The following GALNS variants were observed in gnomAD, a reference collection of about 807,000 sequenced individuals.
GALNS encodes the protein galactosamine (N-acetyl)-6-sulfatase, also known as N-acetylgalactosamine-6-sulfatase.
A neutral mutation model predicts 65.9 loss-of-function variants in GALNS; 65 were observed. The ratio of observed to expected loss-of-function variants is 0.99; its 90% CI spans 0.81 to 1.21. GALNS has a LOEUF of 1.21. Among genes scored for constraint, GALNS ranks in the 50% most tolerant of loss-of-function variants. The pLI, the probability that GALNS is intolerant of heterozygous loss-of-function variation, is 0.00. For synonymous variants in GALNS, 346 were observed against 288.9 expected (o/e 1.20, Z -2.00); for missense variants, 776 against 700.7 (o/e 1.11, Z -1.21).
rs998694898 is a variant in GALNS at position 88,813,833 on chromosome 16, G to T, written c.*606C>A. ...CGCCTCCCTCATAATTAGCGTCCAG[G>T]GAAATTCCTTGTGGACAAAGGACAG... On this transcript the variant is annotated 3_prime_UTR_variant, in exon 14 of 14. Transcript: ENST00000268695. The T allele has an allele frequency of 1.2e-4, 19 of 156,866 alleles. No individual in the cohort carries two copies. Among genetic ancestry groups the T allele is most frequent in the Admixed American group, 4.3e-4 (7 of 16,384 alleles). 9.7% of individuals were successfully genotyped at this position (156,866 alleles called of 1,614,324 possible).
chr16:88,817,664 C>T (rs993053684), intron 13 of GALNS, among the ~76,000 whole-genome samples: 9 of 152,204 alleles, frequency 5.9e-5, no homozygotes, highest in South Asian at 2.1e-4. Flanking sequence ...CAGGGGACCC[C>T]GGACCCTCTC....
chr16:88,855,486 C>T (rs1967772172), intron 1 of GALNS: 1 of 702,640 alleles, frequency 1.4e-6, no homozygotes, highest in African/African-American at 1.7e-5. Context: ...GGACACGGAC[C>T]CCTGGGCGCT....
At position 88,822,597 on chromosome 16, in the gene GALNS, GA is replaced by G. The variant is rs1472489567; in HGVS notation, c.1355del (p.Phe452SerfsTer43). The G allele has an allele frequency of 6.2e-7, 1 of 1,612,604 alleles. No homozygotes were observed. Among genetic ancestry groups the G allele is most frequent in the South Asian group, 1.1e-5 (1 of 91,076 alleles). ...FHLGRDPGER[F>X]PLSFASAEYQ... ...GCCCTGCACCGACTCACCTGAGGGG[GA>G]ACCTCTCCCCTGGGTCCCGTCCCAG... On this transcript the variant is annotated frameshift_variant, in exon 12 of 14. Coordinates refer to ENST00000268695, the MANE Select transcript of GALNS (RefSeq NM_000512.5). LOFTEE classifies it high-confidence loss of function.
chr16:88,845,784 G>A (rs1010520625), intron 1 of GALNS, among the ~76,000 whole-genome samples: 2 of 150,992 alleles, frequency 1.3e-5, no homozygotes, highest in Non-Finnish European at 2.9e-5. Context: ...TTAAAGCCAG[G>A]AGTTCGAGAC....
chr16:88,822,624 G>T lies in GALNS; in HGVS notation c.1329C>A (p.His443Gln). Residue 443 changes from histidine (H) to glutamine (Q), a missense_variant, in exon 12 of 14, where the codon CAC becomes CAA. Coordinates refer to ENST00000268695, the MANE Select transcript of GALNS (RefSeq NM_000512.5). Reference sequence around the variant, plus strand: ...ACCTCTCCCCTGGGTCCCGTCCCAGGTGGAAGATCAGGGGCAGCTTCGTGT... The same window carrying T: ...ACCTCTCCCCTGGGTCCCGTCCCAGTTGGAAGATCAGGGGCAGCTTCGTGT... ...EDHTKLPLIF[H>Q]LGRDPGERFP... is the part of the protein sequence containing the mutation. 1 of 1,613,014 alleles carries T rather than the reference G, an allele frequency of 6.2e-7. No individual in the cohort carries two copies. Among genetic ancestry groups the T allele is most frequent in the Non-Finnish European group, 8.5e-7 (1 of 1,179,870 alleles).
rs74035868 is a variant in GALNS, at chr16:88,855,289, G to A, written c.120+1469C>T. On this transcript the variant is annotated intron_variant, in intron 1 of 13. Transcript: ENST00000268695. ...TTAACAGGGAGGCTTCACCTGCAGA[G>A]CCCAGCTCATCCAGCGAAGCTATGC... is the stretch of plus-strand genomic sequence containing the variant. 2,929 of 700,202 alleles carry A rather than the reference G, an allele frequency of 4.2e-3. 48 individuals are homozygous for A. In the African/African-American group the frequency reaches 0.044, roughly 10 times the overall value. 43.4% of individuals were successfully genotyped at this position (700,202 alleles called of 1,614,324 possible).
At chr16:88,816,176 A>G (rs780749188) in intron 13 of GALNS, 13 of 985,266 alleles carry the variant, frequency 1.3e-5, no homozygotes, top group Non-Finnish European at 1.6e-5. Flanking sequence ...CAGTTCCCCC[A>G]GTGCCCAGGA....
Position 88,826,779 on chromosome 16 carries a change from G to A in GALNS, c.1062C>T (p.Gly354=), listed in dbSNP as rs1910972322. ...TGGCCCTGTCGCTGGGCGGCGTCAG[G>A]CCCGCAAGGGCCAGGCTGGTGGTGA... ...DLFTTSLALA[G]LTPPSDRAID... is the part of the protein sequence containing the mutation. Residue 354 remains glycine (G), a synonymous_variant, in exon 10 of 14, where the codon GGC becomes GGT. Coordinates refer to ENST00000268695, the MANE Select transcript of GALNS (RefSeq NM_000512.5). 3.7e-6 allele frequency: 6 copies of A among 1,604,424 alleles called. No individual in the cohort carries two copies. The East Asian group carries it at 6.7e-5, about 18-fold the overall frequency.
intron 13 of GALNS, chr16:88,817,175 TG>T (rs1597521952): frequency 1.0e-6 from 1 of 985,440 alleles, no homozygotes; most frequent in East Asian, 1.1e-4. Flanking sequence ...TGCCACCCTA[TG>T]GGACCCCCAA....
At chr16:88,848,926 C>T (rs995732983) in intron 1 of GALNS, among the ~76,000 whole-genome samples, 2 of 152,204 alleles carry the variant, frequency 1.3e-5, no homozygotes, top group Admixed American at 6.5e-5. Flanking sequence ...TCCATTTCCC[C>T]GGTGGACGGC....
chr16:88,841,784 C>T lies in GALNS; in HGVS notation c.319+113G>A, dbSNP rs539966127. On this transcript the variant is annotated intron_variant, in intron 3 of 13. Transcript: ENST00000268695. ...TAAGTCCCAGAGACCCAGGCACCAGCGGTACCCCACCTGCAGCTTGCCACC... is the reference window on the plus strand; with the variant it reads ...TAAGTCCCAGAGACCCAGGCACCAGTGGTACCCCACCTGCAGCTTGCCACC... 6.3e-5 allele frequency: 58 copies of T among 924,752 alleles called. No homozygotes were observed. In the African/African-American group the frequency reaches 7.4e-4, roughly 12 times the overall value. 57.3% of individuals were successfully genotyped at this position (924,752 alleles called of 1,614,324 possible).
intron 1 of GALNS, among the ~76,000 whole-genome samples, chr16:88,847,564 A>G (rs978760042): frequency 6.6e-6 from 1 of 152,078 alleles, no homozygotes; most frequent in African/African-American, 2.4e-5. Context: ...TAAAGTTTCC[A>G]CCATTTCAAA....
At position 88,842,835 on chromosome 16, in the gene GALNS, G is replaced by T; in HGVS notation, c.121-6C>A. ...CCGAGGTCACCCCATCCCATCTGCA[G>T]GGAAGAGCACGGGGAGGAGGAATGA... is the stretch of plus-strand genomic sequence containing the variant. On this transcript the variant is annotated splice_region_variant and splice_polypyrimidine_tract_variant and intron_variant, in intron 1 of 13. Transcript: ENST00000268695. 6.2e-7 allele frequency: 1 copy of T among 1,613,192 alleles called. No homozygotes were observed. Among genetic ancestry groups the T allele is most frequent in the Non-Finnish European group, 8.5e-7 (1 of 1,179,916 alleles).
intron 6 of GALNS, 36 bp downstream of exon 6, chr16:88,836,165 C>A (rs377766826): frequency 1.3e-6 from 2 of 1,595,016 alleles, no homozygotes; most frequent in East Asian, 2.2e-5. Context: ...CGTCCCCATG[C>A]GTCCCACAGG....
chr16:88,826,631 G>T, intron 10 of GALNS, 71 bp downstream of exon 10: 1 of 1,552,144 alleles, frequency 6.4e-7, no homozygotes, highest in Non-Finnish European at 8.8e-7. Context: ...CCTGGGGGTT[G>T]CACCTGATTA....
intron 6 of GALNS, 61 bp from the exon 7 acceptor site, chr16:88,835,910 G>C: frequency 1.2e-6 from 2 of 1,610,910 alleles, no homozygotes; most frequent in East Asian, 4.5e-5. Context: ...TGCCTCCCAC[G>C]GTCCCCGTCC....
chr16:88,843,943 C>G (rs2143006155), intron 1 of GALNS: 1 of 152,288 alleles, frequency 6.6e-6, no homozygotes. Flanking sequence ...CCGGAACAGG[C>G]CGGTCCGCAG....
chr16:88,828,256 C>A (rs1236495272), intron 9 of GALNS, among the ~76,000 whole-genome samples: 1 of 120,312 alleles, frequency 8.3e-6, no homozygotes, highest in African/African-American at 3.2e-5. Flanking sequence ...AACTGCGGAG[C>A]AGTGCTTGTG....
chr16:88,834,509 T>C (rs1341145386), intron 8 of GALNS, among the ~76,000 whole-genome samples: 1 of 129,226 alleles, frequency 7.7e-6, no homozygotes, highest in South Asian at 2.9e-4. Context: ...CTCAGCGTGG[T>C]CTGGGAAGAG....
Sources: allele counts gnomAD v4.1 joint callset (sites outside exome capture counted in the v4.1 genomes callset), GRCh38; gene constraint gnomAD v4.1.1; transcripts MANE v1.5; gene names NCBI Gene and HGNC (gene_info 2026-07-23, HGNC 2026-07-21).